The following EPS8 variants were observed in gnomAD, a reference collection of about 807,000 sequenced individuals.
EPS8 encodes epidermal growth factor receptor kinase substrate 8.
EPS8 carries 42 observed loss-of-function variants against 103.8 expected under a neutral mutation model. The observed-to-expected ratio is 0.40, with a 90% CI of 0.32 to 0.52. EPS8 has a LOEUF of 0.52. Ranked by LOEUF, EPS8 falls within the 20% of genes least tolerant of loss-of-function variation. EPS8 has a pLI of 0.40. For missense variants in EPS8, 969 were observed against 1,005.1 expected, an observed-to-expected ratio of 0.96 and a Z score of 0.49; for synonymous variants, 344 against 344.6, an observed-to-expected ratio of 1.00 and a Z score of 0.02.
chr12:15,768,846 T>C (rs1947124875), intron 1 of EPS8, among the ~76,000 whole-genome samples: 1 of 152,200 alleles, frequency 6.6e-6, no homozygotes, highest in Non-Finnish European at 1.5e-5. Context: ...GGTCTGGCAC[T>C]CTGCAGATTC....
intron 8 of EPS8, 121 bp from the exon 9 acceptor site, chr12:15,662,220 G>GATAC: frequency 6.5e-7 from 1 of 1,526,892 alleles, no homozygotes; most frequent in African/African-American, 1.4e-5. Flanking sequence ...ACCTCCACTG[G>GATAC]ATACACAAGT....
chr12:15,720,255 C>T (rs1946580200), intron 1 of EPS8, among the ~76,000 whole-genome samples: 1 of 152,098 alleles, frequency 6.6e-6, no homozygotes, highest in African/African-American at 2.4e-5. Context: ...TCTGAGTTTT[C>T]TAAGTAATTC....
chr12:15,641,970 A>G (rs915149035), intron 15 of EPS8, 140 bp from the exon 16 acceptor site: 2 of 427,530 alleles, frequency 4.7e-6, no homozygotes, highest in East Asian at 7.3e-5. Context: ...ATTTTACATT[A>G]TGATAAATAA....
rs1051510386 is a variant in EPS8, at chr12:15,706,107, T to C, written c.-21-23135A>G. ...TCCAAATCCCAGTCTTCTCCTCACC[T>C]AAGGTTACTCTCTCTAATTCTGCAA... On this transcript the variant is annotated intron_variant, in intron 1 of 20. Coordinates refer to ENST00000281172, the MANE Select transcript of EPS8 (RefSeq NM_004447.6). This position sits in a 1 kb window ranked among gnomAD's most constrained non-coding sequence, Gnocchi z 5.2. 1.1e-4 allele frequency among the ~76,000 whole-genome samples: 16 copies of C among 152,184 alleles called. No homozygotes were observed. Among genetic ancestry groups the C allele is most frequent in the Non-Finnish European group, 5.9e-5 (4 of 68,032 alleles).
At chr12:15,630,204 T>TCTCACA (rs145812168) in intron 18 of EPS8, among the ~76,000 whole-genome samples, 47 of 148,992 alleles carry the variant, frequency 3.2e-4, no homozygotes, top group African/African-American at 1.1e-3. Context: ...TCTCTCTCAC[T>TCTCACA]CACACACACA....
intron 1 of EPS8, among the ~76,000 whole-genome samples, chr12:15,742,047 C>A (rs1215801973): frequency 1.3e-5 from 2 of 152,192 alleles, no homozygotes; most frequent in African/African-American, 2.4e-5. Flanking sequence ...ATGAACTCAT[C>A]CTTTTTTATG....
intron 20 of EPS8, among the ~76,000 whole-genome samples, chr12:15,622,305 T>C (rs186602158): frequency 5.3e-5 from 8 of 152,288 alleles, no homozygotes; most frequent in Admixed American, 3.3e-4. Context: ...GCCTTCAAGA[T>C]CAATGTTGTA....
Position 15,621,109 on chromosome 12 carries a change from CA to C in EPS8, c.*207del. ...AAGTAAGAAAAATATTTTCCAAGGT[CA>C]AAAAATTCAGTTTAAATTTTTTCAG... On this transcript the variant is annotated 3_prime_UTR_variant, in exon 21 of 21. Coordinates refer to ENST00000281172, the MANE Select transcript of EPS8 (RefSeq NM_004447.6). 1 of 427,428 alleles carries C rather than the reference CA, an allele frequency of 2.3e-6. No homozygotes were observed. 26.5% of individuals were successfully genotyped at this position (427,428 alleles called of 1,614,324 possible).
rs1947235638 is a variant in EPS8, at chr12:15,779,148, T to C, written c.-22+10013A>G. ...TATGTGCCTCCAAGCCCGGCTAATT[T>C]TGTATTTTTAGTAGAGACAGGGCGT... On this transcript the variant is annotated intron_variant, in intron 1 of 20. Coordinates refer to ENST00000281172, the MANE Select transcript of EPS8 (RefSeq NM_004447.6). This position sits in a 1 kb window ranked among gnomAD's most constrained non-coding sequence, Gnocchi z 4.3. Among the ~76,000 whole-genome samples the C allele has an allele frequency of 6.6e-6, 1 of 152,094 alleles. No individual in the cohort carries two copies. The highest frequency in any genetic ancestry group is 6.6e-5 in the Admixed American group (1 of 15,262).
chr12:15,624,660 C>A (rs911623276), intron 18 of EPS8, among the ~76,000 whole-genome samples: 1 of 152,168 alleles, frequency 6.6e-6, no homozygotes. Flanking sequence ...TAACTTTCTG[C>A]GTATTCTGTG....
At position 15,697,029 on chromosome 12, in the gene EPS8, CG is replaced by C. The variant is rs1196649656; in HGVS notation, c.-21-14058del. Among the ~76,000 whole-genome samples, 2 of 152,118 alleles carry C rather than the reference CG, an allele frequency of 1.3e-5. No individual in the cohort carries two copies. The highest frequency in any genetic ancestry group is 2.4e-5 in the African/African-American group (1 of 41,422). The stretch of plus-strand genomic sequence containing the variant: ...AGAGGAGATTTGAAGAGGGAATTAT[CG>C]TAAGGCCAGCATTTGCATTTCTTTC... On this transcript the variant is annotated intron_variant, in intron 1 of 20. Coordinates refer to ENST00000281172, the MANE Select transcript of EPS8 (RefSeq NM_004447.6). This position sits in a 1 kb window ranked among gnomAD's most constrained non-coding sequence, Gnocchi z 5.6.
At chr12:15,654,402 T>C in intron 12 of EPS8, 109 bp from the exon 13 acceptor site, 2 of 977,438 alleles carry the variant, frequency 2.0e-6, no homozygotes, top group South Asian at 1.4e-5. Context: ...TTAATAGTCA[T>C]ATTAACTTTT....
intron 4 of EPS8, among the ~76,000 whole-genome samples, chr12:15,670,061 C>T (rs150472211): frequency 1.2e-4 from 19 of 152,174 alleles, no homozygotes; most frequent in African/African-American, 9.6e-5. Context: ...CTGTTTCATA[C>T]GGAGCCATGT....
chr12:15,682,942 G>A lies in EPS8; in HGVS notation c.10C>T (p.His4Tyr). 6.3e-7 allele frequency: 1 copy of A among 1,582,332 alleles called. No individual in the cohort carries two copies. Among genetic ancestry groups the A allele is most frequent in the Non-Finnish European group, 8.6e-7 (1 of 1,163,686 alleles). Residue 4 changes from histidine to tyrosine, a missense_variant, in exon 2 of 21, where the codon CAT becomes TAT. Coordinates refer to ENST00000281172, the MANE Select transcript of EPS8 (RefSeq NM_004447.6). MNG[H>Y]ISNHPSSFGM... is the part of the protein sequence containing the mutation. ...AAACTACTGGGATGATTAGAAATAT[G>A]ACCATTCATTGTGTCTTTCACTTGT...
chr12:15,654,104 A>G (rs1185950802), intron 13 of EPS8, 41 bp downstream of exon 13: 3 of 1,579,134 alleles, frequency 1.9e-6, no homozygotes, highest in Admixed American at 3.4e-5. Context: ...TGTAATTAAC[A>G]AAGAATGGTA....
chr12:15,632,182 C>T (rs972478017), intron 17 of EPS8, among the ~76,000 whole-genome samples: 1 of 152,014 alleles, frequency 6.6e-6, no homozygotes, highest in Non-Finnish European at 1.5e-5. Flanking sequence ...CATCTTAATG[C>T]TAATTTATTA....
chr12:15,638,449 T>C (rs1402584579), intron 17 of EPS8, among the ~76,000 whole-genome samples: 1 of 152,142 alleles, frequency 6.6e-6, no homozygotes, highest in African/African-American at 2.4e-5. Context: ...AAAAAGCAGA[T>C]TGTTTTTAAT....
rs561331838 is a variant in EPS8, at chr12:15,654,009, T to C, written c.1250+136A>G. The C allele has an allele frequency of 9.1e-6, 7 of 766,932 alleles. No homozygotes were observed. In the African/African-American group the frequency reaches 1.2e-4, roughly 13 times the overall value. The allele number at this position is 766,932 out of a possible 1,614,324, so 47.5% of individuals were successfully genotyped here. A position where few individuals can be genotyped will look rare whatever the true frequency, so the allele number is the denominator to read the frequency against. The stretch of plus-strand genomic sequence containing the variant: ...ACTTCTATCTCTTCCACTAGACTTC[T>C]AGCCTTTAAGGGTTTAGGTTTTTTC... On this transcript the variant is annotated intron_variant, in intron 13 of 20. Transcript: ENST00000281172.
chr12:15,725,634 C>T lies in EPS8; in HGVS notation c.-21-42662G>A, dbSNP rs1238530231. 6.6e-6 allele frequency among the ~76,000 whole-genome samples: 1 copy of T among 152,026 alleles called. No individual in the cohort carries two copies. The highest frequency in any genetic ancestry group is 1.5e-5 in the Non-Finnish European group (1 of 68,008). ...CTTCATCATATGGTGATTCACTCAC[C>T]ACCACAGTATCAACCTTGGACATTA... On this transcript the variant is annotated intron_variant, in intron 1 of 20. Coordinates refer to ENST00000281172, the MANE Select transcript of EPS8 (RefSeq NM_004447.6). This position sits in a 1 kb window ranked among gnomAD's most constrained non-coding sequence, Gnocchi z 4.5.
Sources: gnomAD v4.1 joint callset for allele counts (sites outside exome capture counted in the v4.1 genomes callset) on GRCh38, gnomAD v4.1.1 for gene constraint, Gnocchi (gnomAD v3.1) non-coding constraint, MANE v1.5 for transcripts, NCBI Gene and HGNC (gene_info 2026-07-23, HGNC 2026-07-21) for gene names.